RIN2: variants seen among roughly 807,000 people sequenced by gnomAD.
RIN2 encodes the protein Ras and Rab interactor 2.
In RIN2, 36 loss-of-function variants were observed where a neutral mutation model predicts 78.0. That is an observed-to-expected ratio of 0.46 (90% CI 0.35 to 0.61). RIN2 has a LOEUF of 0.61. Among genes scored for constraint, RIN2 ranks in the 20% least tolerant of loss-of-function variants. The pLI is 0.00. For synonymous variants in RIN2, 466 were observed against 466.8 expected, an observed-to-expected ratio of 1.00 and a Z score of 0.02; for missense variants, 1,087 against 1,159.7, an observed-to-expected ratio of 0.94 and a Z score of 0.91.
At chr20:19,937,175 G>T (rs2040679664) in intron 4 of RIN2, among the ~76,000 whole-genome samples, 1 of 152,188 alleles carries the variant, frequency 6.6e-6, no homozygotes, top group Non-Finnish European at 1.5e-5. Flanking sequence ...TTGTCCAATG[G>T]AGCTGTCAGG....
intron 3 of RIN2, among the ~76,000 whole-genome samples, chr20:19,925,333 C>T (rs1330129248): frequency 2.0e-5 from 3 of 152,150 alleles, no homozygotes; most frequent in African/African-American, 7.2e-5. Context: ...ACAGGCAAAG[C>T]TGTATATACT....
chr20:19,854,438 G>A (rs1436206214), intron 2 of RIN2, among the ~76,000 whole-genome samples: 1 of 152,208 alleles, frequency 6.6e-6, no homozygotes. Context: ...TAGCTTGATG[G>A]GGATGGCATT....
At chr20:19,933,496 G>A (rs536929370) in intron 3 of RIN2, among the ~76,000 whole-genome samples, 2 of 152,062 alleles carry the variant, frequency 1.3e-5, no homozygotes, top group African/African-American at 4.8e-5. Context: ...CTTCATTCTG[G>A]AACTGCTCAG....
At chr20:19,966,606 G>A (rs896240182) in intron 7 of RIN2, among the ~76,000 whole-genome samples, 1 of 152,148 alleles carries the variant, frequency 6.6e-6, no homozygotes, top group Admixed American at 6.5e-5. Flanking sequence ...TTACAGGTGT[G>A]AGCACCATGC....
chr20:19,856,114 A>G (rs926181885), intron 2 of RIN2, among the ~76,000 whole-genome samples: 3 of 152,172 alleles, frequency 2.0e-5, no homozygotes, highest in African/African-American at 7.2e-5. Flanking sequence ...GAGACGCTAC[A>G]TCATGAATGT....
rs533402680 is a variant in RIN2, at chr20:19,921,166, T to G, written c.58-13933T>G. ...GGAGCCCACTTTGATCTCTTTTGTATGTTGAGAGGAGCAGTTTACAATTTA... is the reference window on the plus strand; with the variant it reads ...GGAGCCCACTTTGATCTCTTTTGTAGGTTGAGAGGAGCAGTTTACAATTTA... On this transcript the variant is annotated intron_variant, in intron 3 of 12. Transcript: ENST00000255006. 2.3e-4 allele frequency among the ~76,000 whole-genome samples: 35 copies of G among 152,270 alleles called. 1 individual carries two copies. The highest frequency in any genetic ancestry group is 1.9e-3 in the Admixed American group (29 of 15,294).
intron 2 of RIN2, among the ~76,000 whole-genome samples, chr20:19,865,488 C>CTTTTTTT (rs58947389): frequency 5.2e-5 from 7 of 135,854 alleles, no homozygotes; most frequent in Non-Finnish European, 7.7e-5. Context: ...TACTTTCTTT[C>CTTTTTTT]TTTTTTTTTT....
chr20:19,987,548 C>T (rs946769303), intron 9 of RIN2, among the ~76,000 whole-genome samples: 1 of 152,150 alleles, frequency 6.6e-6, no homozygotes, highest in African/African-American at 2.4e-5. Flanking sequence ...GTTAAACGGA[C>T]ATAATATTAG....
At chr20:19,965,378 A>C (rs1463589459) in intron 7 of RIN2, among the ~76,000 whole-genome samples, 1 of 152,094 alleles carries the variant, frequency 6.6e-6, no homozygotes, top group African/African-American at 2.4e-5. Context: ...ACACACATAC[A>C]TGCGCACACA....
chr20:19,900,449 C>G (rs908626226), intron 3 of RIN2, among the ~76,000 whole-genome samples: 2 of 151,732 alleles, frequency 1.3e-5, no homozygotes, highest in African/African-American at 4.8e-5. Flanking sequence ...TGCCACTGCA[C>G]TCCAGCCTGG....
chr20:19,897,031 T>C (rs946904654), intron 3 of RIN2, among the ~76,000 whole-genome samples: 2 of 152,212 alleles, frequency 1.3e-5, no homozygotes, highest in Non-Finnish European at 2.9e-5. Flanking sequence ...TTTGAAAACA[T>C]GTATTATTCC....
chr20:19,820,679 A>G (rs1462825822), intron 2 of RIN2, among the ~76,000 whole-genome samples: 2 of 152,152 alleles, frequency 1.3e-5, no homozygotes, highest in Non-Finnish European at 1.5e-5. Flanking sequence ...AGTGTGGACC[A>G]TGTACTTCCT....
At chr20:19,861,788 A>G (rs1316653899) in intron 2 of RIN2, among the ~76,000 whole-genome samples, 1 of 149,818 alleles carries the variant, frequency 6.7e-6, no homozygotes, top group African/African-American at 2.5e-5. Flanking sequence ...TCCATATCTG[A>G]TGATCACCCT....
chr20:19,769,916 T>C (rs2034047742), intron 1 of RIN2, among the ~76,000 whole-genome samples: 1 of 152,112 alleles, frequency 6.6e-6, no homozygotes. Flanking sequence ...ACAATAAAAA[T>C]AATTATTGTA....
At chr20:19,875,066 G>C (rs551962349) in intron 2 of RIN2, among the ~76,000 whole-genome samples, 262 of 151,960 alleles carry the variant, frequency 1.7e-3, no homozygotes, top group African/African-American at 6.0e-3. Context: ...TTGCTATGTT[G>C]TCCAGGCTGG....
chr20:19,867,938 G>C, intron 2 of RIN2, among the ~76,000 whole-genome samples: 1 of 152,216 alleles, frequency 6.6e-6, no homozygotes, highest in East Asian at 1.9e-4. Context: ...AGGCGTTTTC[G>C]TGGGACAAGA....
intron 2 of RIN2, among the ~76,000 whole-genome samples, chr20:19,854,938 A>G (rs892925020): frequency 2.0e-5 from 3 of 152,152 alleles, no homozygotes; most frequent in African/African-American, 7.2e-5. Context: ...GTGGTGAGAG[A>G]GGGCATCCCT....
At position 19,975,367 on chromosome 20, in the gene RIN2, A is replaced by C; in HGVS notation, c.1342A>C (p.Met448Leu). 6.2e-7 allele frequency: 1 copy of C among 1,613,914 alleles called. No homozygotes were observed. Among genetic ancestry groups the C allele is most frequent in the Non-Finnish European group, 8.5e-7 (1 of 1,179,822 alleles). Residue 448 changes from methionine to leucine, a missense_variant, in exon 9 of 13, where the codon ATG (methionine) becomes CTG (leucine). Transcript: ENST00000255006. This position sits in a 1 kb window ranked among gnomAD's most constrained non-coding sequence, Gnocchi z 4.9. The part of the protein sequence containing the change: ...SSDSLEFDRS[M>L]PLFGYEADTN... ...CGACTCGCTGGAGTTCGACCGGAGC[A>C]TGCCTCTGTTTGGCTACGAGGCGGA...
chr20:19,802,002 C>CT (rs1186569036), intron 2 of RIN2, among the ~76,000 whole-genome samples: 1 of 152,146 alleles, frequency 6.6e-6, no homozygotes, highest in African/African-American at 2.4e-5. Context: ...ATAATAGGAA[C>CT]TGCCACAGGA....
Sources: gnomAD v4.1 joint callset for allele counts (sites outside exome capture counted in the v4.1 genomes callset) on GRCh38, gnomAD v4.1.1 for gene constraint, Gnocchi (gnomAD v3.1) non-coding constraint, MANE v1.5 for transcripts, NCBI Gene and HGNC (gene_info 2026-07-23, HGNC 2026-07-21) for gene names.